Variants in A1CF observed in about 807,000 individuals in gnomAD.
A1CF encodes APOBEC-1 stimulating protein.
Under a neutral mutation model 68.9 loss-of-function variants are expected in A1CF, and 48 were observed. The ratio of observed to expected loss-of-function variants is 0.70; its 90% CI spans 0.55 to 0.89. The LOEUF (loss-of-function observed/expected upper bound fraction) is 0.89. Among genes scored for constraint, A1CF ranks in the 40% least tolerant of loss-of-function variants. The pLI is 0.00. For synonymous variants in A1CF, 272 were observed against 260.4 expected, an observed-to-expected ratio of 1.04 and a Z score of -0.43; for missense variants, 653 against 718.9, an observed-to-expected ratio of 0.91 and a Z score of 1.05.
chr10:50,811,746 T>TTTTG (rs565056553), intron 10 of A1CF, among the ~76,000 whole-genome samples: 1 of 152,212 alleles, frequency 6.6e-6, no homozygotes, highest in Non-Finnish European at 1.5e-5. Flanking sequence ...TTTCTGCCTT[T>TTTTG]TTTGTTTGTT....
intron 1 of A1CF, among the ~76,000 whole-genome samples, chr10:50,869,245 C>A (rs1333388381): frequency 2.0e-5 from 3 of 152,042 alleles, no homozygotes; most frequent in African/African-American, 7.2e-5. Flanking sequence ...CTTGAAGGTT[C>A]TTTTAAGCAT....
At chr10:50,810,383 T>C (rs1838045847) in intron 11 of A1CF, among the ~76,000 whole-genome samples, 1 of 152,182 alleles carries the variant, frequency 6.6e-6, no homozygotes, top group African/African-American at 2.4e-5. Context: ...AGAGGTCATA[T>C]CTTTGGTCCA....
Position 50,836,289 on chromosome 10 carries a change from C to T in A1CF, c.389G>A (p.Cys130Tyr). Residue 130 changes from cysteine (C) to tyrosine (Y), a missense_variant, in exon 6 of 13, where the codon TGT becomes TAT. Cys to Tyr is a radical substitution (Grantham distance 194). Coordinates refer to ENST00000373997, the MANE Select transcript of A1CF (RefSeq NM_014576.4). ...TAATCGGCAGTTGTCCACACTGGCACAAACCCCTAAGAGGCGCCCATTTCT... is the reference window on the plus strand; with the variant it reads ...TAATCGGCAGTTGTCCACACTGGCATAAACCCCTAAGAGGCGCCCATTTCT... The part of the protein sequence containing the change: ...EIRNGRLLGV[C>Y]ASVDNCRLFV... 1 of 1,613,826 alleles carries T rather than the reference C, an allele frequency of 6.2e-7. No homozygotes were observed. The highest frequency in any genetic ancestry group is 8.5e-7 in the Non-Finnish European group (1 of 1,179,828).
chr10:50,870,323 A>C (rs1307807830), intron 1 of A1CF, among the ~76,000 whole-genome samples: 1 of 151,960 alleles, frequency 6.6e-6, no homozygotes, highest in Admixed American at 6.6e-5. Context: ...GAAGGAATCA[A>C]AGATAAAAGT....
chr10:50,869,054 G>T (rs1423918629), intron 1 of A1CF, among the ~76,000 whole-genome samples: 1 of 152,010 alleles, frequency 6.6e-6, no homozygotes, highest in African/African-American at 2.4e-5. Flanking sequence ...TAACACCTGG[G>T]TGATGAAATA....
rs1837746920 is a variant in A1CF, at chr10:50,804,813, T to A, written c.*1916A>T. On this transcript the variant is annotated 3_prime_UTR_variant, in exon 13 of 13. Coordinates refer to ENST00000373997, the MANE Select transcript of A1CF (RefSeq NM_014576.4). ...GAGATAGAGTATAAATACAAGAATATAGCAATTCCCAAACCTAGGTGCACA... is the reference window on the plus strand; with the variant it reads ...GAGATAGAGTATAAATACAAGAATAAAGCAATTCCCAAACCTAGGTGCACA... 6.6e-6 allele frequency: 1 copy of A among 152,120 alleles called. No homozygotes were observed. The highest frequency in any genetic ancestry group is 6.5e-5 in the Admixed American group (1 of 15,270). 9.4% of individuals were successfully genotyped at this position (152,120 alleles called of 1,614,324 possible).
chr10:50,811,210 A>G, intron 10 of A1CF, 34 bp from the exon 11 acceptor site: 2 of 1,579,838 alleles, frequency 1.3e-6, no homozygotes, highest in Non-Finnish European at 1.7e-6. Flanking sequence ...TCCCCCTCAA[A>G]TGACACATTC....
chr10:50,844,618 A>G (rs1211415207), intron 3 of A1CF, among the ~76,000 whole-genome samples: 2 of 152,186 alleles, frequency 1.3e-5, no homozygotes, highest in Admixed American at 1.3e-4. Flanking sequence ...CTGAGGCAGA[A>G]GGATCCCTTG....
At chr10:50,825,727 C>T (rs916420113) in intron 7 of A1CF, among the ~76,000 whole-genome samples, 2 of 152,118 alleles carry the variant, frequency 1.3e-5, no homozygotes, top group African/African-American at 4.8e-5. Context: ...AAAGTATTGA[C>T]AAGATGAGTA....
rs76833463 is a variant in A1CF at position 50,817,601 on chromosome 10, C to A, written c.868-1322G>T. ...TGTTGATGTAATTAGAAAAAGTAGACCTGGCATACTGAAAATAGGGGAGGA... is the reference window on the plus strand; with the variant it reads ...TGTTGATGTAATTAGAAAAAGTAGAACTGGCATACTGAAAATAGGGGAGGA... On this transcript the variant is annotated intron_variant, in intron 8 of 12. Transcript: ENST00000373997. 7.9e-5 allele frequency among the ~76,000 whole-genome samples: 12 copies of A among 152,266 alleles called. No homozygotes were observed. In the East Asian group the frequency reaches 1.9e-3, roughly 24 times the overall value.
chr10:50,867,350 A>G (rs184212706), intron 1 of A1CF, among the ~76,000 whole-genome samples: 7 of 152,158 alleles, frequency 4.6e-5, no homozygotes, highest in African/African-American at 1.7e-4. Flanking sequence ...AGCCATGAAA[A>G]AGAATGAAAT....
At chr10:50,832,685 T>C (rs1156716867) in intron 6 of A1CF, among the ~76,000 whole-genome samples, 3 of 152,196 alleles carry the variant, frequency 2.0e-5, no homozygotes, top group Middle Eastern at 6.3e-3. Flanking sequence ...CTTTCTAACA[T>C]CAGTTTCCTT....
intron 7 of A1CF, among the ~76,000 whole-genome samples, chr10:50,827,396 C>T (rs1173959433): frequency 6.6e-6 from 1 of 152,154 alleles, no homozygotes; most frequent in African/African-American, 2.4e-5. Flanking sequence ...AAGCACTCCT[C>T]AGCAAATGTA....
intron 8 of A1CF, chr10:50,816,574 G>A (rs1397764524): frequency 3.3e-6 from 1 of 301,146 alleles, no homozygotes; most frequent in South Asian, 6.4e-5. Context: ...AGAAAGTTAT[G>A]TAATATTTTT....
At chr10:50,869,155 T>A (rs974264023) in intron 1 of A1CF, among the ~76,000 whole-genome samples, 3 of 152,032 alleles carry the variant, frequency 2.0e-5, no homozygotes, top group Non-Finnish European at 4.4e-5. Context: ...TTAAAAAAAA[T>A]TTAGTTCTGC....
intron 7 of A1CF, among the ~76,000 whole-genome samples, chr10:50,821,778 C>T (rs1303199131): frequency 5.3e-5 from 8 of 152,138 alleles, no homozygotes; most frequent in Admixed American, 5.2e-4. Context: ...CTCAGGTGAT[C>T]TGCCTACCTC....
intron 1 of A1CF, among the ~76,000 whole-genome samples, chr10:50,872,585 C>T (rs1326241609): frequency 1.3e-5 from 2 of 152,142 alleles, no homozygotes; most frequent in African/African-American, 2.4e-5. Context: ...ACACAGGACA[C>T]CATAATGAAC....
At chr10:50,814,201 T>A in intron 9 of A1CF, 163 bp from the exon 10 acceptor site, 1 of 702,338 alleles carries the variant, frequency 1.4e-6, no homozygotes, top group Non-Finnish European at 2.3e-6. Flanking sequence ...TCTAATGTAA[T>A]GAAACTCAAC....
chr10:50,855,485 A>G (rs567727911), intron 3 of A1CF, among the ~76,000 whole-genome samples: 46 of 152,134 alleles, frequency 3.0e-4, no homozygotes, highest in Non-Finnish European at 5.3e-4. Flanking sequence ...AATACATACT[A>G]TATGTGGGGT....
Sources: gnomAD v4.1 joint callset for allele counts (sites outside exome capture counted in the v4.1 genomes callset) on GRCh38, gnomAD v4.1.1 for gene constraint, MANE v1.5 for transcripts, NCBI Gene and HGNC (gene_info 2026-07-23, HGNC 2026-07-21) for gene names.